Variants in MRTFA observed in about 807,000 individuals in gnomAD.
MRTFA encodes the protein myocardin-related transcription factor A.
A neutral mutation model predicts 83.5 loss-of-function variants in MRTFA; 20 were observed. That is an observed-to-expected ratio of 0.24 (90% CI 0.17 to 0.35). MRTFA has a LOEUF of 0.35. Ranked by LOEUF, MRTFA falls within the 10% of genes least tolerant of loss-of-function variation. MRTFA has a pLI of 1.00. For missense variants in MRTFA, 1,200 were observed against 1,224.7 expected (o/e 0.98, Z 0.30); for synonymous variants, 659 against 541.2 (o/e 1.22, Z -3.02).
chr22:40,462,549 G>T (rs1256574769), intron 4 of MRTFA, among the ~76,000 whole-genome samples: 1 of 152,170 alleles, frequency 6.6e-6, no homozygotes, highest in African/African-American at 2.4e-5. Context: ...AGGTCCGAAA[G>T]ATCAAAACCT....
intron 3 of MRTFA, among the ~76,000 whole-genome samples, chr22:40,517,146 C>G (rs2054774903): frequency 6.6e-6 from 1 of 152,194 alleles, no homozygotes; most frequent in Non-Finnish European, 1.5e-5. Context: ...TGTTCTAGAG[C>G]TCCTGGACTC....
chr22:40,500,586 G>C (rs987408563), intron 3 of MRTFA, among the ~76,000 whole-genome samples: 26 of 151,904 alleles, frequency 1.7e-4, no homozygotes, highest in African/African-American at 5.8e-4. Flanking sequence ...TTAGGGATTG[G>C]TGGTGACTCT....
rs188267368 is a variant in MRTFA, at chr22:40,546,175, C to A, written c.241+5931G>T. Among the ~76,000 whole-genome samples the A allele has an allele frequency of 8.7e-4, 133 of 152,366 alleles. 1 individual carries two copies. In the Middle Eastern group the frequency reaches 0.02, roughly 23 times the overall value. ...ATTTATTCTGTTCTAGAACTCCACA[C>A]TTTCCAATTTCACAATCTTCTCAAA... is the stretch of plus-strand genomic sequence containing the variant. On this transcript the variant is annotated intron_variant, in intron 3 of 14. Coordinates refer to ENST00000355630, the MANE Select transcript of MRTFA (RefSeq NM_020831.6).
intron 3 of MRTFA, among the ~76,000 whole-genome samples, chr22:40,525,719 A>C (rs2054958814): frequency 5.9e-5 from 9 of 152,132 alleles, no homozygotes; most frequent in Admixed American, 5.9e-4. Context: ...CTATACAAAT[A>C]TTTACAAGGC....
intron 9 of MRTFA, among the ~76,000 whole-genome samples, chr22:40,422,150 C>G (rs1276881118): frequency 2.0e-5 from 3 of 151,254 alleles, no homozygotes; most frequent in African/African-American, 4.9e-5. Flanking sequence ...GAGGCAGAGG[C>G]AGAGGCAGAG....
At chr22:40,531,138 G>A (rs965223510) in intron 3 of MRTFA, among the ~76,000 whole-genome samples, 5 of 151,892 alleles carry the variant, frequency 3.3e-5, no homozygotes, top group South Asian at 2.1e-4. Context: ...TTGCTCTGTC[G>A]CCCCAGTTGG....
chr22:40,505,834 A>T (rs1392941894), intron 3 of MRTFA, among the ~76,000 whole-genome samples: 1 of 152,210 alleles, frequency 6.6e-6, no homozygotes, highest in East Asian at 1.9e-4. Flanking sequence ...TGAGAGATAA[A>T]TTTCTGTTCT....
At chr22:40,527,576 T>C (rs2054999210) in intron 3 of MRTFA, among the ~76,000 whole-genome samples, 1 of 151,812 alleles carries the variant, frequency 6.6e-6, no homozygotes, top group South Asian at 2.1e-4. Context: ...GCTAACACAG[T>C]GAAACCCTGT....
chr22:40,492,866 A>G (rs530839427), intron 3 of MRTFA, among the ~76,000 whole-genome samples: 6 of 152,360 alleles, frequency 3.9e-5, no homozygotes, highest in African/African-American at 1.4e-4. Context: ...GAAAAAACAA[A>G]TGGACACTTC....
chr22:40,553,673 GA>G (rs1465106129), intron 2 of MRTFA, among the ~76,000 whole-genome samples: 1 of 152,186 alleles, frequency 6.6e-6, no homozygotes, highest in Non-Finnish European at 1.5e-5. Context: ...CTCTCATGGA[GA>G]ACCTCTACTA....
In MRTFA at chr22:40,417,016, C is replaced by G. The variant is rs769372093; in HGVS notation, c.2548G>C (p.Asp850His). Residue 850 changes from aspartate to histidine, a missense_variant, in exon 14 of 15, where the codon GAC (aspartate) becomes CAC (histidine). Asp to His is a moderately conservative substitution (Grantham distance 81). Transcript: ENST00000355630. The stretch of plus-strand genomic sequence containing the variant: ...CTCTGAATGAGAATGTCAAACAGGT[C>G]GTCCATCTGCTGGCTTGAGGAACCA... 1.9e-6 allele frequency: 3 copies of G among 1,598,236 alleles called. No homozygotes were observed. The highest frequency in any genetic ancestry group is 3.5e-5 in the Admixed American group (2 of 57,630).
chr22:40,543,981 A>C (rs913248980), intron 3 of MRTFA, among the ~76,000 whole-genome samples: 6 of 152,218 alleles, frequency 3.9e-5, no homozygotes, highest in African/African-American at 1.2e-4. Flanking sequence ...GAATACACAA[A>C]TAGCCCAATG....
rs1430006565 is a variant in MRTFA, at chr22:40,411,914, A to G, written c.2579-7T>C. 12 of 1,483,862 alleles carry G rather than the reference A, an allele frequency of 8.1e-6. No individual in the cohort carries two copies. Among genetic ancestry groups the G allele is most frequent in the Non-Finnish European group, 9.9e-6 (11 of 1,116,040 alleles). The allele number at this position is 1,483,862 out of a possible 1,614,324, so 91.9% of individuals were successfully genotyped here. ...TTGAAATCTGCTGAAATTTCTGCCA[A>G]TCAATCAAGAGAGTAAATGGATATC... is the stretch of plus-strand genomic sequence containing the variant. On this transcript the variant is annotated splice_region_variant and splice_polypyrimidine_tract_variant and intron_variant, in intron 14 of 14. Coordinates refer to ENST00000355630, the MANE Select transcript of MRTFA (RefSeq NM_020831.6).
At chr22:40,601,206 A>T (rs1195186594) in intron 1 of MRTFA, among the ~76,000 whole-genome samples, 1 of 152,058 alleles carries the variant, frequency 6.6e-6, no homozygotes, top group Non-Finnish European at 1.5e-5. Context: ...ACAATTTTTA[A>T]GTTTTTGAAC....
At chr22:40,469,142 G>C (rs946226463) in intron 3 of MRTFA, among the ~76,000 whole-genome samples, 1 of 152,132 alleles carries the variant, frequency 6.6e-6, no homozygotes, top group African/African-American at 2.4e-5. Context: ...CTCAACAATA[G>C]ACAGAACAAC....
intron 1 of MRTFA, among the ~76,000 whole-genome samples, chr22:40,625,320 A>C (rs1286424892): frequency 6.6e-6 from 1 of 151,964 alleles, no homozygotes; most frequent in Admixed American, 6.6e-5. Flanking sequence ...GTCCCTAAAA[A>C]AAAAATAAAA....
chr22:40,599,819 A>AC (rs1239063972), intron 1 of MRTFA, among the ~76,000 whole-genome samples: 1 of 150,922 alleles, frequency 6.6e-6, no homozygotes, highest in Non-Finnish European at 1.5e-5. Context: ...GGATCGCTTG[A>AC]CCCCGGGAGG....
At chr22:40,438,789 A>T (rs2053219062) in intron 4 of MRTFA, among the ~76,000 whole-genome samples, 2 of 152,126 alleles carry the variant, frequency 1.3e-5, no homozygotes, top group Admixed American at 6.5e-5. Flanking sequence ...AAAACACAGT[A>T]CGTATAGGAT....
chr22:40,471,083 T>C (rs555190276), intron 3 of MRTFA, among the ~76,000 whole-genome samples: 1 of 149,004 alleles, frequency 6.7e-6, no homozygotes, highest in African/African-American at 2.5e-5. Flanking sequence ...CATACAAAAA[T>C]CAGAAATGCA....
Sources: gnomAD v4.1 joint callset for allele counts (sites outside exome capture counted in the v4.1 genomes callset) on GRCh38, gnomAD v4.1.1 for gene constraint, MANE v1.5 for transcripts, NCBI Gene and HGNC (gene_info 2026-07-23, HGNC 2026-07-21) for gene names.